Variants in KLHL1 observed in about 807,000 individuals in gnomAD.
The protein encoded by KLHL1 is kelch-like protein 1.
KLHL1 carries 47 observed loss-of-function variants against 77.7 expected under a neutral mutation model. The observed-to-expected ratio is 0.60, with a 90% CI of 0.48 to 0.77. The LOEUF (loss-of-function observed/expected upper bound fraction) is 0.77, where lower values mean the gene tolerates loss of function less well. KLHL1 is among the 30% of genes least tolerant of loss of function. KLHL1 has a pLI of 0.00. For missense variants in KLHL1, 925 were observed against 910.8 expected (o/e 1.02, Z -0.20); for synonymous variants, 360 against 325.2 (o/e 1.11, Z -1.15).
chr13:69,820,003 G>C (rs879511907), intron 6 of KLHL1, among the ~76,000 whole-genome samples: 1 of 152,074 alleles, frequency 6.6e-6, no homozygotes, highest in Non-Finnish European at 1.5e-5. Context: ...TTGTTTTCCC[G>C]TGTCAAGAAG....
intron 7 of KLHL1, among the ~76,000 whole-genome samples, chr13:69,788,616 C>A (rs1593833343): frequency 6.6e-6 from 1 of 152,018 alleles, no homozygotes; most frequent in Non-Finnish European, 1.5e-5. Flanking sequence ...GCATATGTAA[C>A]AAACCTGCAC....
chr13:69,949,969 T>A (rs765204651), intron 3 of KLHL1, among the ~76,000 whole-genome samples: 28 of 151,692 alleles, frequency 1.8e-4, no homozygotes, highest in Non-Finnish European at 3.5e-4. Context: ...TTCTAAAAAT[T>A]ACCGCAAAAT....
Position 70,107,575 on chromosome 13 carries a change from CCGTCCTGT to C in KLHL1, c.117_124del (p.Asp41TrpfsTer4). 6.2e-7 allele frequency: 1 copy of C among 1,605,784 alleles called. No individual in the cohort carries two copies. Among genetic ancestry groups the C allele is most frequent in the Non-Finnish European group, 8.5e-7 (1 of 1,175,614 alleles). ...TCCCCAGTGCTCAAAGCTGCCACTGCCGTCCTGTTGCAGGCAGCCTCCCCCCGCCGGGC... is the reference window on the plus strand; with the variant it reads ...TCCCCAGTGCTCAAAGCTGCCACTGCTGCAGGCAGCCTCCCCCCGCCGGGC... On this transcript the variant is annotated frameshift_variant, in exon 1 of 11. Transcript: ENST00000377844. LOFTEE classifies it high-confidence loss of function.
intron 6 of KLHL1, among the ~76,000 whole-genome samples, chr13:69,815,866 A>T (rs1878098299): frequency 6.6e-6 from 1 of 152,148 alleles, no homozygotes; most frequent in African/African-American, 2.4e-5. Flanking sequence ...AACCATCTAA[A>T]TATAAAATAT....
At chr13:69,756,212 A>G (rs1175837470) in intron 7 of KLHL1, among the ~76,000 whole-genome samples, 4 of 152,120 alleles carry the variant, frequency 2.6e-5, no homozygotes, top group African/African-American at 7.2e-5. Flanking sequence ...TAATATCTAC[A>G]TATGTTGAGG....
At chr13:70,034,655 T>C (rs7331987) in intron 1 of KLHL1, among the ~76,000 whole-genome samples, 39,335 of 152,122 alleles carry the variant, frequency 0.26, 5,815 homozygotes, top group African/African-American at 0.41. Context: ...AGTGTATCTA[T>C]GTGTTTGTGT....
At chr13:69,944,370 G>C (rs1883452598) in intron 3 of KLHL1, among the ~76,000 whole-genome samples, 1 of 152,210 alleles carries the variant, frequency 6.6e-6, no homozygotes, top group Non-Finnish European at 1.5e-5. Context: ...ACCCTTGGAA[G>C]TCTGTACCTG....
chr13:69,863,503 A>G (rs1459991085), intron 5 of KLHL1, among the ~76,000 whole-genome samples: 8 of 71,864 alleles, frequency 1.1e-4, no homozygotes, highest in Middle Eastern at 6.0e-3. Context: ...ATAAGAAATA[A>G]AAAAATTTTG....
intron 10 of KLHL1, among the ~76,000 whole-genome samples, chr13:69,707,351 CT>C (rs1875670159): frequency 6.6e-6 from 1 of 151,916 alleles, no homozygotes; most frequent in Non-Finnish European, 1.5e-5. Flanking sequence ...CTTCAGGTAA[CT>C]CAAATTCAGA....
At position 70,032,819 on chromosome 13, in the gene KLHL1, A is replaced by G. The variant is rs148461728; in HGVS notation, c.498-57017T>C. ...AAATAAATCACTTTTCAAATGTCATAATTGAAATTTTAGATCTTTTTAAGG... is the reference window on the plus strand; with the variant it reads ...AAATAAATCACTTTTCAAATGTCATGATTGAAATTTTAGATCTTTTTAAGG... On this transcript the variant is annotated intron_variant, in intron 1 of 10. Transcript: ENST00000377844. Among the ~76,000 whole-genome samples the G allele has an allele frequency of 1.2e-3, 182 of 152,332 alleles. No individual in the cohort carries two copies. The East Asian group carries it at 0.03, about 25-fold the overall frequency.
chr13:70,068,016 CAT>C (rs1280102778), intron 1 of KLHL1, among the ~76,000 whole-genome samples: 2 of 149,770 alleles, frequency 1.3e-5, no homozygotes, highest in Non-Finnish European at 1.5e-5. Flanking sequence ...CGGTAAATCA[CAT>C]GTTGTTCACT....
At chr13:69,763,073 A>T (rs1875104312) in intron 7 of KLHL1, among the ~76,000 whole-genome samples, 1 of 152,158 alleles carries the variant, frequency 6.6e-6, no homozygotes, top group Admixed American at 6.5e-5. Flanking sequence ...CATGATTTGG[A>T]ATAAATGAGG....
intron 1 of KLHL1, among the ~76,000 whole-genome samples, chr13:70,100,105 T>C (rs1023413093): frequency 6.6e-6 from 1 of 152,092 alleles, no homozygotes. Flanking sequence ...TTCAGTGATA[T>C]GTTCATTTTA....
chr13:69,999,060 C>G (rs1478005753), intron 1 of KLHL1, among the ~76,000 whole-genome samples: 1 of 151,946 alleles, frequency 6.6e-6, no homozygotes, highest in Non-Finnish European at 1.5e-5. Flanking sequence ...CAAGTAAGCA[C>G]AGAGGATCTC....
chr13:69,918,789 A>G (rs530758298), intron 4 of KLHL1, among the ~76,000 whole-genome samples: 4 of 152,154 alleles, frequency 2.6e-5, no homozygotes, highest in Non-Finnish European at 5.9e-5. Flanking sequence ...ACAATGGCCT[A>G]CAACAATTAT....
At chr13:69,802,784 C>T (rs1031500358) in intron 6 of KLHL1, among the ~76,000 whole-genome samples, 16 of 152,126 alleles carry the variant, frequency 1.1e-4, no homozygotes, top group African/African-American at 3.4e-4. Context: ...TCAGGGAGCT[C>T]GGCTCTTGAG....
chr13:69,711,676 T>C (rs1459941352), intron 9 of KLHL1, among the ~76,000 whole-genome samples: 1 of 152,134 alleles, frequency 6.6e-6, no homozygotes, highest in East Asian at 1.9e-4. Context: ...TAATAAACAT[T>C]TTCATTCAGA....
At chr13:69,855,674 T>C in intron 5 of KLHL1, among the ~76,000 whole-genome samples, 1 of 151,328 alleles carries the variant, frequency 6.6e-6, no homozygotes, top group East Asian at 2.0e-4. Context: ...GGTCCCTGCT[T>C]CCCCTTCCCC....
intron 5 of KLHL1, among the ~76,000 whole-genome samples, chr13:69,857,076 A>T (rs750447470): frequency 6.6e-6 from 1 of 151,382 alleles, no homozygotes; most frequent in Non-Finnish European, 1.5e-5. Context: ...ACTGTATAAA[A>T]CTCTCCGTTT....
Sources: allele counts gnomAD v4.1 joint callset (sites outside exome capture counted in the v4.1 genomes callset), GRCh38; gene constraint gnomAD v4.1.1; transcripts MANE v1.5; gene names NCBI Gene and HGNC (gene_info 2026-07-23, HGNC 2026-07-21).